MICU2: variants seen among roughly 807,000 people sequenced by gnomAD.
MICU2 encodes calcium uptake protein 2, mitochondrial.
Under a neutral mutation model 60.4 loss-of-function variants are expected in MICU2, and 64 were observed. The observed-to-expected ratio is 1.06, with a 90% CI of 0.87 to 1.31. The LOEUF (loss-of-function observed/expected upper bound fraction) is 1.31, where lower values mean the gene tolerates loss of function less well. Among genes scored for constraint, MICU2 ranks in the 50% most tolerant of loss-of-function variants. The pLI is 0.00. For synonymous variants in MICU2, 201 were observed against 175.0 expected, an observed-to-expected ratio of 1.15 and a Z score of -1.17; for missense variants, 569 against 531.0, an observed-to-expected ratio of 1.07 and a Z score of -0.70.
intron 2 of MICU2, among the ~76,000 whole-genome samples, chr13:21,552,236 T>G (rs1887588536): frequency 6.6e-6 from 1 of 152,372 alleles, no homozygotes; most frequent in Non-Finnish European, 1.5e-5. Context: ...TGTCTTCTTT[T>G]GAGAAGTGTC....
In MICU2 at chr13:21,600,690, T is replaced by C. The variant is rs34284343; in HGVS notation, c.210+3249A>G. ...GACCCTCACAAATGCAAGCTGTTGG[T>C]CACAATGGGAACTAGAAAAGTGTAG... On this transcript the variant is annotated intron_variant, in intron 1 of 11. Coordinates refer to ENST00000382374, the MANE Select transcript of MICU2 (RefSeq NM_152726.3). Among the ~76,000 whole-genome samples the C allele has an allele frequency of 7.9e-3, 1,209 of 152,322 alleles. 10 individuals are homozygous for C. The highest frequency in any genetic ancestry group is 0.012 in the Admixed American group (191 of 15,302).
intron 4 of MICU2, chr13:21,530,679 T>G: frequency 2.8e-6 from 1 of 354,018 alleles, no homozygotes; most frequent in Non-Finnish European, 5.1e-6. Context: ...TAAAAATAAG[T>G]TACTGGGGTG....
At chr13:21,511,967 G>A (rs1027572056) in intron 7 of MICU2, among the ~76,000 whole-genome samples, 5 of 152,128 alleles carry the variant, frequency 3.3e-5, no homozygotes, top group South Asian at 2.1e-4. Flanking sequence ...ATTGTTTCCC[G>A]TTTGGGCTGG....
intron 4 of MICU2, 72 bp downstream of exon 4, chr13:21,539,230 A>G (rs1887213848): frequency 2.3e-6 from 3 of 1,321,700 alleles, no homozygotes; most frequent in Admixed American, 3.7e-5. Context: ...CAAATCTCAT[A>G]CCTTAATTCC....
At chr13:21,511,262 G>A (rs1886421462) in intron 7 of MICU2, among the ~76,000 whole-genome samples, 1 of 152,174 alleles carries the variant, frequency 6.6e-6, no homozygotes, top group Non-Finnish European at 1.5e-5. Context: ...GATATGGTGG[G>A]AAGAGTATTA....
intron 2 of MICU2, among the ~76,000 whole-genome samples, chr13:21,560,557 CAG>C (rs1887815201): frequency 6.6e-6 from 1 of 151,922 alleles, no homozygotes; most frequent in South Asian, 2.1e-4. Context: ...TTCCTTCTTT[CAG>C]AGTGTCTTTG....
intron 2 of MICU2, among the ~76,000 whole-genome samples, chr13:21,547,271 C>T (rs1887439529): frequency 6.6e-6 from 1 of 152,170 alleles, no homozygotes; most frequent in African/African-American, 2.4e-5. Flanking sequence ...GCATGTGGGA[C>T]CAGAAACTGT....
At chr13:21,597,930 C>CAA (rs11428461) in intron 1 of MICU2, among the ~76,000 whole-genome samples, 3,074 of 84,024 alleles carry the variant, frequency 0.037, 286 homozygotes, top group African/African-American at 0.085. Flanking sequence ...GACTCTGTCT[C>CAA]AAAAAAAAAA....
At chr13:21,512,357 A>T (rs1056589757) in intron 7 of MICU2, among the ~76,000 whole-genome samples, 4 of 152,166 alleles carry the variant, frequency 2.6e-5, no homozygotes, top group African/African-American at 9.7e-5. Context: ...GACCCTTATT[A>T]GATATGTGAT....
rs192032384 is a variant in MICU2 at position 21,586,748 on chromosome 13, G to A, written c.210+17191C>T. ...TATTTTAGTCTTCCTTATAGCTTAA[G>A]CTTATGTTTATTACTCTCATTTTTC... On this transcript the variant is annotated intron_variant, in intron 1 of 11. Transcript: ENST00000382374. Among the ~76,000 whole-genome samples the A allele has an allele frequency of 3.5e-3, 540 of 152,216 alleles. 2 individuals carry two copies. Among genetic ancestry groups the A allele is most frequent in the Non-Finnish European group, 6.3e-3 (431 of 68,006 alleles).
chr13:21,531,838 A>G (rs1479175666), intron 4 of MICU2, among the ~76,000 whole-genome samples: 1 of 152,238 alleles, frequency 6.6e-6, no homozygotes, highest in Non-Finnish European at 1.5e-5. Context: ...CTAAAAACAA[A>G]AACAAACGAA....
At chr13:21,539,626 C>A (rs777700192) in intron 3 of MICU2, 31 bp downstream of exon 3, 1 of 1,613,782 alleles carries the variant, frequency 6.2e-7, no homozygotes, top group Non-Finnish European at 8.5e-7. Context: ...TTACCAAAAA[C>A]AAACCCTGCC....
At chr13:21,532,332 G>GA (rs1269889858) in intron 4 of MICU2, among the ~76,000 whole-genome samples, 1 of 152,056 alleles carries the variant, frequency 6.6e-6, no homozygotes, top group African/African-American at 2.4e-5. Flanking sequence ...ACTGCTCTTT[G>GA]AAATTCCAAC....
intron 4 of MICU2, among the ~76,000 whole-genome samples, chr13:21,533,302 T>C: frequency 6.6e-6 from 1 of 151,482 alleles, no homozygotes; most frequent in East Asian, 2.0e-4. Flanking sequence ...TATATTTTTG[T>C]AATCAATAGT....
At chr13:21,531,333 C>T in intron 4 of MICU2, 2 of 1,541,588 alleles carry the variant, frequency 1.3e-6, no homozygotes, top group Non-Finnish European at 8.8e-7. Flanking sequence ...ATAACACCAA[C>T]CCGAAAAACT....
chr13:21,590,794 G>A (rs1355955684), intron 1 of MICU2, among the ~76,000 whole-genome samples: 1 of 152,188 alleles, frequency 6.6e-6, no homozygotes, highest in Admixed American at 6.5e-5. Context: ...GGTGCAGGTG[G>A]CAGTGAGCCA....
intron 1 of MICU2, among the ~76,000 whole-genome samples, chr13:21,593,571 C>CAAAAAAAAAAAAAAAAAA (rs71093338): frequency 4.8e-5 from 3 of 63,028 alleles, no homozygotes; most frequent in African/African-American, 6.7e-5. Context: ...CAATCCTAAG[C>CAAAAAAAAAAAAAAAAAA]AAAAAAAAAA....
intron 1 of MICU2, among the ~76,000 whole-genome samples, chr13:21,568,843 TG>T (rs1406522912): frequency 5.1e-5 from 3 of 58,390 alleles, no homozygotes; most frequent in African/African-American, 1.3e-4. Context: ...AAAGAAATTC[TG>T]TTTTTTTTTT....
At chr13:21,581,665 A>G (rs1888351515) in intron 1 of MICU2, among the ~76,000 whole-genome samples, 1 of 152,198 alleles carries the variant, frequency 6.6e-6, no homozygotes, top group South Asian at 2.1e-4. Flanking sequence ...TAATGTATAT[A>G]GTTAATGAAG....
Sources: gnomAD v4.1 joint callset for allele counts (sites outside exome capture counted in the v4.1 genomes callset) on GRCh38, gnomAD v4.1.1 for gene constraint, MANE v1.5 for transcripts, NCBI Gene and HGNC (gene_info 2026-07-23, HGNC 2026-07-21) for gene names.